Variants in CCDC63 observed in about 807,000 individuals in gnomAD.
The protein encoded by CCDC63 is coiled-coil domain-containing protein 63.
CCDC63 carries 54 observed loss-of-function variants against 63.6 expected under a neutral mutation model. That is an observed-to-expected ratio of 0.85 (90% CI 0.68 to 1.07). The LOEUF (loss-of-function observed/expected upper bound fraction) is 1.07. Ranked by LOEUF, CCDC63 falls within the 50% of genes least tolerant of loss-of-function variation. The pLI is 0.00. For synonymous variants in CCDC63, 253 were observed against 266.1 expected (o/e 0.95, Z 0.48); for missense variants, 637 against 689.6 (o/e 0.92, Z 0.86).
At chr12:110,857,801 A>C (rs1005618632) in intron 3 of CCDC63, among the ~76,000 whole-genome samples, 4 of 152,094 alleles carry the variant, frequency 2.6e-5, no homozygotes, top group Non-Finnish European at 5.9e-5. Context: ...CCCTGTGTTG[A>C]TGCAAACTTG....
At chr12:110,891,994 C>T (rs1051093323) in intron 8 of CCDC63, among the ~76,000 whole-genome samples, 3 of 152,212 alleles carry the variant, frequency 2.0e-5, no homozygotes, top group African/African-American at 7.2e-5. Context: ...CCCAGTGGTT[C>T]TCAAAGCTGG....
At chr12:110,906,004 T>A (rs547370506) in intron 11 of CCDC63, among the ~76,000 whole-genome samples, 3,859 of 54,748 alleles carry the variant, frequency 0.07, 268 homozygotes, top group African/African-American at 0.14. Context: ...TAATATATAT[T>A]ATATAATATA....
intron 4 of CCDC63, among the ~76,000 whole-genome samples, chr12:110,867,004 C>G (rs2070962412): frequency 7.8e-6 from 1 of 128,532 alleles, no homozygotes; most frequent in South Asian, 2.6e-4. Flanking sequence ...GGGCTGACCC[C>G]CCCACCTCCC....
intron 1 of CCDC63, among the ~76,000 whole-genome samples, chr12:110,850,430 T>TATC (rs563740789): frequency 2.0e-4 from 30 of 152,322 alleles, no homozygotes; most frequent in Middle Eastern, 3.4e-3. Flanking sequence ...CAGGCTGATC[T>TATC]ATCTCATCCT....
At chr12:110,865,823 T>C (rs920622758) in intron 4 of CCDC63, among the ~76,000 whole-genome samples, 4 of 152,210 alleles carry the variant, frequency 2.6e-5, no homozygotes, top group African/African-American at 9.6e-5. Flanking sequence ...ACCTACCTCT[T>C]CAAACGTATT....
At position 110,883,912 on chromosome 12, in the gene CCDC63, T is replaced by A; in HGVS notation, c.854-118T>A. 9.9e-6 allele frequency: 8 copies of A among 807,044 alleles called. No individual in the cohort carries two copies. In the South Asian group the frequency reaches 1.2e-4, roughly 12 times the overall value. The allele number at this position is 807,044 out of a possible 1,614,324, so 50.0% of individuals were successfully genotyped here. A position where few individuals can be genotyped will look rare whatever the true frequency, so the allele number is the denominator to read the frequency against. ...GCCTCGGCTTCCCAAAGTGTTGGGA[T>A]TACAGGCGTGAGTCACCATGCCTGG... On this transcript the variant is annotated intron_variant, in intron 7 of 11. Transcript: ENST00000308208.
intron 5 of CCDC63, among the ~76,000 whole-genome samples, chr12:110,875,397 G>T (rs1402970262): frequency 6.6e-6 from 1 of 152,106 alleles, no homozygotes; most frequent in Non-Finnish European, 1.5e-5. Flanking sequence ...TTGATTGAAT[G>T]AGTTACTAAA....
At chr12:110,856,462 C>T (rs1179037736) in intron 3 of CCDC63, among the ~76,000 whole-genome samples, 1 of 152,146 alleles carries the variant, frequency 6.6e-6, no homozygotes, top group Non-Finnish European at 1.5e-5. Flanking sequence ...GCTTCCCCCG[C>T]CCGCCTCCTT....
chr12:110,874,022 A>C, intron 5 of CCDC63, 61 bp downstream of exon 5: 1 of 1,559,698 alleles, frequency 6.4e-7, no homozygotes, highest in Non-Finnish European at 8.7e-7. Flanking sequence ...TCAGAACAAA[A>C]ATGATGTCTG....
At chr12:110,882,854 A>G (rs916161120) in intron 7 of CCDC63, among the ~76,000 whole-genome samples, 1 of 151,506 alleles carries the variant, frequency 6.6e-6, no homozygotes, top group Non-Finnish European at 1.5e-5. Flanking sequence ...CGATCCTTTT[A>G]TTTATTTATT....
chr12:110,861,086 A>G (rs987007332), intron 4 of CCDC63, among the ~76,000 whole-genome samples: 12 of 152,052 alleles, frequency 7.9e-5, no homozygotes, highest in Non-Finnish European at 1.6e-4. Flanking sequence ...ACACTTTTAA[A>G]CAACCAGATC....
At chr12:110,894,655 C>G (rs2071395807) in intron 9 of CCDC63, among the ~76,000 whole-genome samples, 1 of 152,168 alleles carries the variant, frequency 6.6e-6, no homozygotes, top group Admixed American at 6.6e-5. Context: ...TCCAGGTCCA[C>G]GGAGACCCTC....
intron 4 of CCDC63, among the ~76,000 whole-genome samples, chr12:110,867,018 C>T (rs2070963242): frequency 2.2e-5 from 3 of 135,364 alleles, no homozygotes; most frequent in South Asian, 4.9e-4. Context: ...ACCTCCCTCC[C>T]GGACGGGGCG....
In CCDC63 at chr12:110,907,115, A is replaced by G. The variant is rs543038770; in HGVS notation, c.1547-216A>G. 2.0e-5 allele frequency among the ~76,000 whole-genome samples: 3 copies of G among 152,332 alleles called. No homozygotes were observed. Among genetic ancestry groups the G allele is most frequent in the African/African-American group, 7.2e-5 (3 of 41,574 alleles). On this transcript the variant is annotated intron_variant, in intron 11 of 11. Coordinates refer to ENST00000308208, the MANE Select transcript of CCDC63 (RefSeq NM_152591.3). The surrounding 1 kb of genome is among the most constrained non-coding windows in gnomAD (Gnocchi z 4.4). ...CACATGGTGGCCCTAACTCCTTAAC[A>G]TTAAACCAGACATTCTTCACATCCT...
chr12:110,881,370 AG>A (rs2071207665), intron 7 of CCDC63, 74 bp downstream of exon 7: 4 of 1,448,532 alleles, frequency 2.8e-6, no homozygotes, highest in East Asian at 2.4e-5. Flanking sequence ...TCTCTTTTTA[AG>A]TGAAGGTGCC....
upstream of CCDC63, chr12:110,846,703 A>C (rs987025805): frequency 6.6e-6 from 1 of 152,444 alleles, no homozygotes; most frequent in African/African-American, 2.4e-5. Context: ...GAGGTGGACC[A>C]GCGATTGCAT....
At chr12:110,862,879 C>T (rs1221142162) in intron 4 of CCDC63, among the ~76,000 whole-genome samples, 1 of 152,030 alleles carries the variant, frequency 6.6e-6, no homozygotes, top group Non-Finnish European at 1.5e-5. Context: ...CCTCAGCCTC[C>T]TGAGTAGCTA....
chr12:110,847,458 G>GC, intron 1 of CCDC63, among the ~76,000 whole-genome samples: 1 of 149,214 alleles, frequency 6.7e-6, no homozygotes, highest in African/African-American at 2.6e-5. Context: ...GGAGGCTGAA[G>GC]GGGGAGGATC....
At chr12:110,883,604 A>T (rs182479349) in intron 7 of CCDC63, among the ~76,000 whole-genome samples, 322 of 132,688 alleles carry the variant, frequency 2.4e-3, no homozygotes, top group African/African-American at 8.4e-3. Context: ...CTATATATAT[A>T]TTTTTTTGTT....
Sources: gnomAD v4.1 joint callset for allele counts (sites outside exome capture counted in the v4.1 genomes callset) on GRCh38, gnomAD v4.1.1 for gene constraint, Gnocchi (gnomAD v3.1) non-coding constraint, MANE v1.5 for transcripts, NCBI Gene and HGNC (gene_info 2026-07-23, HGNC 2026-07-21) for gene names.